Variants in PCDH11X observed in about 807,000 individuals in gnomAD.
PCDH11X encodes the protein protocadherin 11 X-linked.
In PCDH11X, 18 loss-of-function variants were observed where a neutral mutation model predicts 53.3. The observed-to-expected ratio is 0.34, with a 90% CI of 0.23 to 0.50. The LOEUF is 0.50. Ranked by LOEUF, PCDH11X falls within the 20% of genes least tolerant of loss-of-function variation. The probability of loss-of-function intolerance (pLI) is 0.98; values close to 1 mark genes in which losing one functional copy is unlikely to be tolerated. For synonymous variants in PCDH11X, 279 were observed against 393.3 expected (o/e 0.71, Z 3.44); for missense variants, 570 against 1,032.4 (o/e 0.55, Z 6.14).
chrX:92,609,347 C>T (rs2750705), intron 10 of PCDH11X, among the ~76,000 whole-genome samples: 11 of 111,159 alleles, frequency 9.9e-5, no homozygotes, highest in African/African-American at 2.3e-4. Flanking sequence ...ATCTAAATTC[C>T]CTGTGCCATT....
At chrX:92,409,391 G>T in intron 9 of PCDH11X, among the ~76,000 whole-genome samples, 1 of 111,904 alleles carries the variant, frequency 8.9e-6, no homozygotes, top group Non-Finnish European at 1.9e-5. Flanking sequence ...CATCAAAATG[G>T]TAAACATTCC....
chrX:92,107,124 C>A (rs1268769008), intron 6 of PCDH11X, among the ~76,000 whole-genome samples: 1 of 111,057 alleles, frequency 9.0e-6, no homozygotes, highest in Non-Finnish European at 1.9e-5. Flanking sequence ...TGGAAGCCAC[C>A]CCTCAATCCC....
chrX:92,534,481 T>A (rs1310643274), intron 10 of PCDH11X, among the ~76,000 whole-genome samples: 3 of 111,577 alleles, frequency 2.7e-5, no homozygotes, highest in Non-Finnish European at 5.6e-5. Flanking sequence ...AAAACACTCT[T>A]CAGGATATTA....
intron 4 of PCDH11X, among the ~76,000 whole-genome samples, chrX:91,826,339 C>T (rs1393374151): frequency 1.8e-5 from 2 of 111,155 alleles, no homozygotes; most frequent in Non-Finnish European, 3.8e-5. Flanking sequence ...TCCTGAAAAC[C>T]AGGCTGAACC....
intron 9 of PCDH11X, among the ~76,000 whole-genome samples, chrX:92,450,051 G>T (rs183685521): frequency 2.3e-4 from 25 of 111,034 alleles, no homozygotes; most frequent in African/African-American, 7.8e-4. Context: ...TAAAGATAAA[G>T]TCAATTACAT....
At chrX:92,318,011 A>G (rs767574270) in intron 8 of PCDH11X, among the ~76,000 whole-genome samples, 1 of 111,220 alleles carries the variant, frequency 9.0e-6, no homozygotes, top group South Asian at 3.8e-4. Context: ...CTAAAAATGT[A>G]AGATTATCAT....
intron 6 of PCDH11X, among the ~76,000 whole-genome samples, chrX:92,180,214 C>T (rs938951532): frequency 9.0e-6 from 1 of 110,760 alleles, no homozygotes; most frequent in Non-Finnish European, 1.9e-5. Context: ...ACAACAGAAT[C>T]TTGTGAGAAC....
chrX:91,820,752 C>T (rs1936643415), intron 4 of PCDH11X, among the ~76,000 whole-genome samples: 1 of 102,251 alleles, frequency 9.8e-6, no homozygotes, highest in African/African-American at 4.6e-5. Flanking sequence ...TTGCCCATGC[C>T]TATGTCCTGA....
chrX:91,819,210 T>G (rs1936551156), intron 4 of PCDH11X, among the ~76,000 whole-genome samples: 1 of 109,453 alleles, frequency 9.1e-6, no homozygotes, highest in African/African-American at 3.3e-5. Context: ...TGAAGGCTAA[T>G]GATAAATCAT....
At chrX:92,262,907 T>A in intron 7 of PCDH11X, 1 of 371,664 alleles carries the variant, frequency 2.7e-6, no homozygotes, top group Non-Finnish European at 3.4e-6. Context: ...AATGCTGTTA[T>A]ATCCCTTTAC....
chrX:92,125,014 T>C (rs1341606094), intron 6 of PCDH11X, among the ~76,000 whole-genome samples: 1 of 112,010 alleles, frequency 8.9e-6, no homozygotes, highest in African/African-American at 3.2e-5. Flanking sequence ...TAGATTTAAA[T>C]TTTATGTACA....
intron 6 of PCDH11X, among the ~76,000 whole-genome samples, chrX:91,972,717 A>G (rs34179907): frequency 7.4e-5 from 8 of 108,238 alleles, no homozygotes; most frequent in Non-Finnish European, 1.3e-4. Flanking sequence ...TCCTTTCCCC[A>G]TTGCTTGTTT....
At chrX:91,851,700 C>T (rs1253923627) in intron 5 of PCDH11X, among the ~76,000 whole-genome samples, 1 of 111,732 alleles carries the variant, frequency 8.9e-6, no homozygotes, top group Admixed American at 9.5e-5. Flanking sequence ...GAAGATTTCT[C>T]CAGTTCTGTA....
At chrX:92,379,535 T>A (rs763458156) in intron 8 of PCDH11X, among the ~76,000 whole-genome samples, 1 of 111,895 alleles carries the variant, frequency 8.9e-6, no homozygotes, top group Non-Finnish European at 1.9e-5. Flanking sequence ...GTGCCATGGG[T>A]GACATGATTG....
intron 10 of PCDH11X, among the ~76,000 whole-genome samples, chrX:92,544,292 A>G (rs1256328886): frequency 1.8e-5 from 2 of 112,017 alleles, no homozygotes; most frequent in Admixed American, 1.9e-4. Flanking sequence ...TCTTAGGTGC[A>G]TAAGTTATGC....
rs548818403 is a variant in PCDH11X, at chrX:92,344,285, T to G, written c.3145-43450T>G. ...CATGCCTGTAGAAGCAAATTAAAGT[T>G]ATTATTTAATTAATAATTAGGCAGC... On this transcript the variant is annotated intron_variant, in intron 8 of 10. Coordinates refer to ENST00000682573, the MANE Select transcript of PCDH11X (RefSeq NM_032968.5). Among the ~76,000 whole-genome samples the G allele has an allele frequency of 4.5e-5, 5 of 110,263 alleles. No individual in the cohort carries two copies. The South Asian group carries it at 1.9e-3, about 43-fold the overall frequency.
intron 8 of PCDH11X, among the ~76,000 whole-genome samples, chrX:92,270,368 CCCT>C (rs1291244996): frequency 3.6e-5 from 4 of 111,343 alleles, no homozygotes; most frequent in African/African-American, 1.3e-4. Flanking sequence ...AAGTGATCTG[CCCT>C]CCTCAGCCTC....
chrX:92,249,897 C>G (rs1440133288), intron 7 of PCDH11X, among the ~76,000 whole-genome samples: 1 of 111,600 alleles, frequency 9.0e-6, no homozygotes, highest in East Asian at 2.8e-4. Flanking sequence ...TGTCCGGTAA[C>G]TGCAATATCA....
intron 6 of PCDH11X, among the ~76,000 whole-genome samples, chrX:92,178,611 C>G (rs1352853450): frequency 9.0e-6 from 1 of 111,597 alleles, no homozygotes; most frequent in African/African-American, 3.2e-5. Context: ...ACTTTCACTT[C>G]TGATGGCCTG....
Sources: gnomAD v4.1 joint callset for allele counts (sites outside exome capture counted in the v4.1 genomes callset) on GRCh38, gnomAD v4.1.1 for gene constraint, MANE v1.5 for transcripts, NCBI Gene and HGNC (gene_info 2026-07-23, HGNC 2026-07-21) for gene names.